CCDC171: variants seen among roughly 807,000 people sequenced by gnomAD.
The protein encoded by CCDC171 is coiled-coil domain containing 171, also known as coiled-coil domain-containing protein 171.
CCDC171 carries 177 observed loss-of-function variants against 168.2 expected under a neutral mutation model. The ratio of observed to expected loss-of-function variants is 1.05; its 90% confidence interval spans 0.93 to 1.19. The LOEUF is 1.19. CCDC171 is among the 50% of genes most tolerant of loss of function. CCDC171 has a pLI of 0.00. For missense variants in CCDC171, 1,991 were observed against 1,539.0 expected (o/e 1.29, Z -4.91); for synonymous variants, 687 against 540.8 (o/e 1.27, Z -3.75).
At chr9:15,709,910 A>T (rs1179558884) in intron 11 of CCDC171, among the ~76,000 whole-genome samples, 1 of 152,140 alleles carries the variant, frequency 6.6e-6, no homozygotes, top group East Asian at 1.9e-4. Flanking sequence ...TGTTGCCCTC[A>T]TCACTCAGAT....
At chr9:15,867,564 T>C (rs1563903789) in intron 23 of CCDC171, among the ~76,000 whole-genome samples, 1 of 152,048 alleles carries the variant, frequency 6.6e-6, no homozygotes, top group Admixed American at 6.6e-5. Flanking sequence ...TGATGACAAC[T>C]CTGTCCATAT....
At chr9:15,745,091 C>T (rs778190417) in intron 17 of CCDC171, among the ~76,000 whole-genome samples, 2 of 152,108 alleles carry the variant, frequency 1.3e-5, no homozygotes, top group East Asian at 3.9e-4. Flanking sequence ...TTATGTCAAT[C>T]AAAAACTGCC....
At chr9:15,916,324 G>C (rs1824502686) in intron 24 of CCDC171, among the ~76,000 whole-genome samples, 1 of 151,614 alleles carries the variant, frequency 6.6e-6, no homozygotes. Context: ...AATGTTATAA[G>C]GTATGAATTT....
At chr9:15,810,360 C>A (rs781422009) in intron 21 of CCDC171, among the ~76,000 whole-genome samples, 1 of 152,208 alleles carries the variant, frequency 6.6e-6, no homozygotes, top group Non-Finnish European at 1.5e-5. Flanking sequence ...GCCAGGGCCA[C>A]GGGCAGAGCT....
intron 11 of CCDC171, among the ~76,000 whole-genome samples, chr9:15,720,605 T>A (rs2053415902): frequency 6.6e-6 from 1 of 152,124 alleles, no homozygotes; most frequent in African/African-American, 2.4e-5. Context: ...AAAAGAAAAA[T>A]ATTTTCAATG....
chr9:15,677,879 CATATATATATAT>C (rs71325929), intron 9 of CCDC171, among the ~76,000 whole-genome samples: 1 of 12,480 alleles, frequency 8.0e-5, no homozygotes, highest in African/African-American at 2.3e-4. Flanking sequence ...GTGTGTGTGT[CATATATATATAT>C]ATATATATAT....
intron 6 of CCDC171, among the ~76,000 whole-genome samples, chr9:15,621,233 C>G (rs368600573): frequency 3.3e-5 from 5 of 152,178 alleles, no homozygotes; most frequent in Non-Finnish European, 7.4e-5. Flanking sequence ...TCCCAAAGTA[C>G]TGGGATTACA....
At chr9:16,005,008 G>A (rs1832655367) in intron 3 of CCDC171, among the ~76,000 whole-genome samples, 1 of 152,092 alleles carries the variant, frequency 6.6e-6, no homozygotes, top group African/African-American at 2.4e-5. Context: ...ATATATACCA[G>A]CTTTATTGAA....
At chr9:15,713,623 A>G (rs2052851041) in intron 11 of CCDC171, among the ~76,000 whole-genome samples, 1 of 152,126 alleles carries the variant, frequency 6.6e-6, no homozygotes, top group Non-Finnish European at 1.5e-5. Flanking sequence ...TAGCAAGTCC[A>G]AAGCCCATTT....
intron 6 of CCDC171, among the ~76,000 whole-genome samples, chr9:15,619,901 C>T (rs1351377091): frequency 6.6e-6 from 1 of 152,068 alleles, no homozygotes; most frequent in East Asian, 1.9e-4. Flanking sequence ...AATCCTAGGG[C>T]CCTTAAGAAT....
At chr9:15,592,153 A>T (rs2131477807) in intron 5 of CCDC171, among the ~76,000 whole-genome samples, 1 of 140,704 alleles carries the variant, frequency 7.1e-6, no homozygotes, top group Non-Finnish European at 1.5e-5. Flanking sequence ...TAACAGTTTA[A>T]ATGAAAAAAA....
chr9:15,917,776 T>C (rs1824732237), intron 24 of CCDC171, among the ~76,000 whole-genome samples: 1 of 151,746 alleles, frequency 6.6e-6, no homozygotes, highest in Admixed American at 6.6e-5. Flanking sequence ...AATTCTCTTG[T>C]GACTTACAGT....
chr9:15,983,424 T>C (rs7048043), intron 3 of CCDC171, among the ~76,000 whole-genome samples: 11,544 of 152,062 alleles, frequency 0.076, 1,441 homozygotes, highest in African/African-American at 0.26. Flanking sequence ...TCTTCTTAGG[T>C]AATATGCAGT....
At chr9:15,930,423 G>A (rs1826374062) in intron 25 of CCDC171, among the ~76,000 whole-genome samples, 1 of 150,900 alleles carries the variant, frequency 6.6e-6, no homozygotes. Flanking sequence ...AGACAACACA[G>A]AATTATTTGT....
chr9:16,082,571 A>G, the CCDC171 span, among the ~76,000 whole-genome samples: 493 of 152,334 alleles, frequency 3.2e-3, 11 homozygotes, highest in Admixed American at 0.031. Context: ...TAAAGAATAA[A>G]CTTTTCTAGT....
chr9:15,923,993 A>G (rs1316915053), intron 25 of CCDC171, among the ~76,000 whole-genome samples: 1 of 151,502 alleles, frequency 6.6e-6, no homozygotes, highest in Non-Finnish European at 1.5e-5. Context: ...AGTTATATAT[A>G]TGCCTCCAAA....
intron 3 of CCDC171, among the ~76,000 whole-genome samples, chr9:15,986,786 C>T (rs187929987): frequency 1.3e-5 from 2 of 152,192 alleles, no homozygotes; most frequent in East Asian, 3.9e-4. Flanking sequence ...CATATATGGT[C>T]ATTAACACAG....
intron 1 of CCDC171, among the ~76,000 whole-genome samples, chr9:15,558,495 C>T (rs988049091): frequency 2.0e-5 from 3 of 152,064 alleles, no homozygotes; most frequent in South Asian, 2.1e-4. Context: ...TATCCATTTC[C>T]TCTAGATTTT....
chr9:15,928,858 T>C (rs2132109292), intron 25 of CCDC171, among the ~76,000 whole-genome samples: 1 of 151,760 alleles, frequency 6.6e-6, no homozygotes, highest in East Asian at 1.9e-4. Context: ...TCAAGAGTTG[T>C]TTGTATAGGA....
Sources: gnomAD v4.1 joint callset for allele counts (sites outside exome capture counted in the v4.1 genomes callset) on GRCh38, gnomAD v4.1.1 for gene constraint, MANE v1.5 for transcripts, NCBI Gene and HGNC (gene_info 2026-07-23, HGNC 2026-07-21) for gene names.